ARSL: variants seen among roughly 807,000 people sequenced by gnomAD.
The protein encoded by ARSL is arylsulfatase L.
A neutral mutation model predicts 31.1 loss-of-function variants in ARSL; 4 were observed. The observed-to-expected ratio is 0.13, with a 90% CI of 0.06 to 0.29. The LOEUF (loss-of-function observed/expected upper bound fraction) is 0.29. ARSL is among the 10% of genes least tolerant of loss of function. ARSL has a pLI of 1.00. For missense variants in ARSL, 312 were observed against 497.8 expected (o/e 0.63, Z 3.55); for synonymous variants, 198 against 209.9 (o/e 0.94, Z 0.49).
intron 3 of ARSL, among the ~76,000 whole-genome samples, chrX:2,956,847 T>A (rs2089530728): frequency 9.1e-6 from 1 of 110,432 alleles, no homozygotes; most frequent in African/African-American, 3.3e-5. Context: ...TGGGCTCAAG[T>A]GATCCTCCCA....
chrX:2,938,430 T>C (rs1312938744), intron 8 of ARSL, among the ~76,000 whole-genome samples, 173 bp from the exon 9 acceptor site: 1 of 112,292 alleles, frequency 8.9e-6, no homozygotes, highest in African/African-American at 3.2e-5. Context: ...TTCAATCTCA[T>C]GTAGTTCCCC....
upstream of ARSL, chrX:2,968,103 G>T (rs138429525): frequency 8.5e-4 from 978 of 1,151,601 alleles, 7 homozygotes; most frequent in African/African-American, 0.015. Flanking sequence ...GTCTCTGCAC[G>T]TGCAAAAGCC....
At chrX:2,953,993 A>G (rs1218756142) in intron 4 of ARSL, among the ~76,000 whole-genome samples, 1 of 111,694 alleles carries the variant, frequency 9.0e-6, no homozygotes. Flanking sequence ...AAGTGTTGGG[A>G]TTAGAAACAT....
At chrX:2,960,105 T>C (rs1294057781) in intron 2 of ARSL, among the ~76,000 whole-genome samples, 1 of 97,295 alleles carries the variant, frequency 1.0e-5, no homozygotes, top group Non-Finnish European at 2.1e-5. Flanking sequence ...CCGTCTCTAC[T>C]AAAAATACAA....
At chrX:2,968,101 A>T (rs1275235913), upstream of ARSL, 1 of 1,151,240 alleles carries the variant, frequency 8.7e-7, no homozygotes, top group Non-Finnish European at 1.1e-6. Context: ...GCGTCTCTGC[A>T]CGTGCAAAAG....
At chrX:2,950,077 C>T (rs1161316794) in intron 5 of ARSL, among the ~76,000 whole-genome samples, 2 of 111,968 alleles carry the variant, frequency 1.8e-5, no homozygotes, top group African/African-American at 6.5e-5. Context: ...ATTGGAGGCT[C>T]TAGGGGAGGA....
chrX:2,967,925 C>A (rs776104190), upstream of ARSL, among the ~76,000 whole-genome samples: 6 of 112,295 alleles, frequency 5.3e-5, no homozygotes, highest in Non-Finnish European at 1.1e-4. Flanking sequence ...CATCTTCCCT[C>A]GTTGCTTTTT....
At chrX:2,953,015 GATACA>G in intron 5 of ARSL, 123 bp downstream of exon 5, 1 of 845,163 alleles carries the variant, frequency 1.2e-6, no homozygotes, top group Non-Finnish European at 1.7e-6. Context: ...ATGGTTCCTA[GATACA>G]TGCAGCTTTC....
intron 6 of ARSL, among the ~76,000 whole-genome samples, 188 bp from the exon 7 acceptor site, chrX:2,946,322 CTTT>C (rs747661858): frequency 1.4e-5 from 1 of 69,118 alleles, no homozygotes; most frequent in Admixed American, 1.9e-4. Flanking sequence ...AACAATCTTC[CTTT>C]TTTTTTTTTT....
chrX:2,935,607 A>T (rs1272115145), intron 10 of ARSL, among the ~76,000 whole-genome samples: 2 of 111,371 alleles, frequency 1.8e-5, no homozygotes, highest in Non-Finnish European at 3.8e-5. Context: ...AGCTACATAG[A>T]CGTGGAGGTT....
At chrX:2,936,060 G>A (rs1171834137) in intron 10 of ARSL, among the ~76,000 whole-genome samples, 5 of 111,130 alleles carry the variant, frequency 4.5e-5, no homozygotes, top group Middle Eastern at 4.3e-3. Flanking sequence ...GAGACCAGGC[G>A]TGGTGGCTCA....
intron 3 of ARSL, among the ~76,000 whole-genome samples, chrX:2,957,104 C>G (rs1434873011): frequency 9.3e-6 from 1 of 107,301 alleles, no homozygotes; most frequent in East Asian, 3.0e-4. Flanking sequence ...GCCTGTAGTC[C>G]AAGCTACTTG....
chrX:2,955,353 G>A, intron 4 of ARSL, 63 bp downstream of exon 4: 2 of 1,194,419 alleles, frequency 1.7e-6, no homozygotes, highest in Non-Finnish European at 1.1e-6. Flanking sequence ...CAAAATGTAA[G>A]AACTAGAAAC....
intron 4 of ARSL, 120 bp downstream of exon 4, chrX:2,955,296 T>G: frequency 1.1e-6 from 1 of 931,422 alleles, no homozygotes; most frequent in Non-Finnish European, 1.5e-6. Flanking sequence ...ATGGGCAAGA[T>G]AGAGAGAACA....
chrX:2,965,090 A>G, upstream of ARSL, among the ~76,000 whole-genome samples: 1 of 111,686 alleles, frequency 9.0e-6, no homozygotes, highest in Non-Finnish European at 1.9e-5. Context: ...CTGCCTCAAA[A>G]AAAAATGTTT....
chrX:2,960,360 C>A lies in ARSL; in HGVS notation c.23+18G>T, dbSNP rs374569124. 1 of 1,042,912 alleles carries A rather than the reference C, an allele frequency of 9.6e-7. No individual in the cohort carries two copies. The highest frequency in any genetic ancestry group is 1.3e-6 in the Non-Finnish European group (1 of 749,182). The allele number at this position is 1,042,912 out of a possible 1,213,427, so 85.9% of individuals were successfully genotyped here. On this transcript the variant is annotated intron_variant, in intron 2 of 10. Coordinates refer to ENST00000381134, the MANE Select transcript of ARSL (RefSeq NM_000047.3). ...AAAGAAAGGAGACTACTAATGAGTGCATATAATTGTATCTTACCAAGAATG... is the reference window on the plus strand; with the variant it reads ...AAAGAAAGGAGACTACTAATGAGTGAATATAATTGTATCTTACCAAGAATG...
At chrX:2,940,380 T>C (rs904850329) in intron 8 of ARSL, among the ~76,000 whole-genome samples, 31 of 111,024 alleles carry the variant, frequency 2.8e-4, no homozygotes, top group African/African-American at 9.1e-4. Flanking sequence ...TACAAAATAA[T>C]TTTGTGGCCA....
intron 7 of ARSL, among the ~76,000 whole-genome samples, chrX:2,944,607 A>G (rs1370562846): frequency 9.2e-6 from 1 of 108,885 alleles, no homozygotes; most frequent in Non-Finnish European, 1.9e-5. Context: ...CAAATCTCTG[A>G]TGGCAATTAT....
intron 3 of ARSL, among the ~76,000 whole-genome samples, chrX:2,956,195 A>C (rs1187983237): frequency 8.9e-6 from 1 of 112,003 alleles, no homozygotes; most frequent in African/African-American, 3.2e-5. Flanking sequence ...ATGGACGCCA[A>C]CACACTGTAA....
Sources: allele counts gnomAD v4.1 joint callset (sites outside exome capture counted in the v4.1 genomes callset), GRCh38; gene constraint gnomAD v4.1.1; transcripts MANE v1.5; gene names NCBI Gene and HGNC (gene_info 2026-07-23, HGNC 2026-07-21).